Variants in GNG2 observed in about 807,000 individuals in gnomAD.
GNG2 encodes the protein guanine nucleotide-binding protein G(I)/G(S)/G(O) subunit gamma-2.
In GNG2, 5 loss-of-function variants were observed where a neutral mutation model predicts 5.5. The ratio of observed to expected loss-of-function variants is 0.91; its 90% CI spans 0.48 to 1.92. GNG2 has a LOEUF of 1.92. GNG2 is among the 30% of genes most tolerant of loss of function. The probability of loss-of-function intolerance (pLI) is 0.01; values close to 1 mark genes in which losing one functional copy is unlikely to be tolerated. For missense variants in GNG2, 55 were observed against 88.4 expected (o/e 0.62, Z 1.52); for synonymous variants, 28 against 32.0 (o/e 0.88, Z 0.42).
At chr14:51,903,959 G>A (rs1208604314) in intron 2 of GNG2, among the ~76,000 whole-genome samples, 2 of 152,228 alleles carry the variant, frequency 1.3e-5, no homozygotes, top group Admixed American at 1.3e-4. Flanking sequence ...TATAAAAGCA[G>A]TAGTCAGCAG....
intron 2 of GNG2, among the ~76,000 whole-genome samples, chr14:51,945,574 T>C (rs1326221882): frequency 6.6e-6 from 1 of 152,174 alleles, no homozygotes; most frequent in African/African-American, 2.4e-5. Flanking sequence ...GTTTCAGTTT[T>C]GCAAGGTAAA....
At chr14:51,873,874 T>C (rs1452115546) in intron 1 of GNG2, 1 of 152,270 alleles carries the variant, frequency 6.6e-6, no homozygotes, top group Non-Finnish European at 1.5e-5. Context: ...CTCTGTTTTA[T>C]GGACTAGGTA....
At position 51,969,231 on chromosome 14, in the gene GNG2, G is replaced by C. The variant is rs1890091216; in HGVS notation, c.*2544G>C. On this transcript the variant is annotated 3_prime_UTR_variant, in exon 4 of 4. Coordinates refer to ENST00000556766, the MANE Select transcript of GNG2 (RefSeq NM_053064.5). Reference sequence around the variant, plus strand: ...TCGATAGAAATGAAAATCTGCCGTGGAATTAACTAATAAGTAGTAACAATA... The same window carrying C: ...TCGATAGAAATGAAAATCTGCCGTGCAATTAACTAATAAGTAGTAACAATA... 1 of 152,070 alleles carries C rather than the reference G, an allele frequency of 6.6e-6. No homozygotes were observed. Among genetic ancestry groups the C allele is most frequent in the African/African-American group, 2.4e-5 (1 of 41,400 alleles). 9.4% of individuals were successfully genotyped at this position (152,070 alleles called of 1,614,324 possible).
intron 2 of GNG2, chr14:51,916,049 A>G (rs1021930209): frequency 7.2e-5 from 11 of 152,920 alleles, no homozygotes; most frequent in African/African-American, 2.6e-4. Flanking sequence ...TGAGAACAGG[A>G]GCCTATTCCT....
chr14:51,935,857 G>T (rs77771300), intron 2 of GNG2, among the ~76,000 whole-genome samples: 3,931 of 152,096 alleles, frequency 0.026, 139 homozygotes, highest in East Asian at 0.13. Context: ...GAGAGAGAGC[G>T]ATGTTTTCTG....
In GNG2 at chr14:51,886,065, A is replaced by C. The variant is rs577715039; in HGVS notation, c.-30+8408A>C. Among the ~76,000 whole-genome samples, 7 of 152,364 alleles carry C rather than the reference A, an allele frequency of 4.6e-5. No homozygotes were observed. The East Asian group carries it at 1.2e-3, about 25-fold the overall frequency. ...TTAGGCAGTTTTTATTGTAGCAAGC[A>C]TCTCTTTCTTTATATTTTATAATTA... On this transcript the variant is annotated intron_variant, in intron 2 of 3. Transcript: ENST00000556766.
chr14:51,942,452 C>T (rs1292031974), intron 2 of GNG2, among the ~76,000 whole-genome samples: 2 of 152,054 alleles, frequency 1.3e-5, no homozygotes, highest in African/African-American at 4.8e-5. Context: ...TTTCCAAAAG[C>T]CTCATAAGAG....
chr14:51,877,885 A>C, intron 2 of GNG2: 1 of 275,818 alleles, frequency 3.6e-6, no homozygotes, highest in East Asian at 1.0e-4. Context: ...TTTTCTTCTA[A>C]AAACCTGAGT....
chr14:51,858,368 G>A (rs1021557387), upstream of GNG2, among the ~76,000 whole-genome samples: 3 of 152,168 alleles, frequency 2.0e-5, no homozygotes, highest in East Asian at 1.9e-4. Context: ...CAACACTGGC[G>A]ATTAACCTAC....
chr14:51,937,866 C>T (rs543610617), intron 2 of GNG2, among the ~76,000 whole-genome samples: 51 of 152,242 alleles, frequency 3.3e-4, no homozygotes, highest in African/African-American at 1.2e-3. Context: ...TGAGTCTTTC[C>T]ATATAAGATA....
At chr14:51,949,455 C>G (rs1436095630) in intron 2 of GNG2, among the ~76,000 whole-genome samples, 1 of 152,024 alleles carries the variant, frequency 6.6e-6, no homozygotes, top group Admixed American at 6.6e-5. Context: ...TCTGTGTGTT[C>G]TTTTTCTTTT....
intron 2 of GNG2, among the ~76,000 whole-genome samples, chr14:51,855,172 C>T (rs1261366167): frequency 6.6e-6 from 1 of 152,204 alleles, no homozygotes; most frequent in African/African-American, 2.4e-5. Flanking sequence ...TGGGGGGCTT[C>T]GCACTACTGG....
At chr14:51,937,781 T>C (rs1396572356) in intron 2 of GNG2, among the ~76,000 whole-genome samples, 1 of 152,206 alleles carries the variant, frequency 6.6e-6, no homozygotes, top group Non-Finnish European at 1.5e-5. Context: ...TAATATTTTT[T>C]AAAAGTGAAT....
At chr14:51,917,919 G>A (rs1271630574) in intron 2 of GNG2, among the ~76,000 whole-genome samples, 2 of 151,858 alleles carry the variant, frequency 1.3e-5, no homozygotes, top group East Asian at 1.9e-4. Flanking sequence ...CCAGCTACTC[G>A]GGAGGCTGAG....
At chr14:51,937,591 G>A (rs954086465) in intron 2 of GNG2, among the ~76,000 whole-genome samples, 1 of 150,772 alleles carries the variant, frequency 6.6e-6, no homozygotes, top group Non-Finnish European at 1.5e-5. Context: ...TTCCGAAAAT[G>A]GCTATGTATT....
chr14:51,859,061 T>C (rs982348183), upstream of GNG2, among the ~76,000 whole-genome samples: 1 of 152,212 alleles, frequency 6.6e-6, no homozygotes, highest in Admixed American at 6.5e-5. Context: ...TGGAGAGTTA[T>C]TCTCCATCAG....
At chr14:51,899,363 A>G (rs1337412616) in intron 2 of GNG2, among the ~76,000 whole-genome samples, 4 of 152,198 alleles carry the variant, frequency 2.6e-5, no homozygotes, top group African/African-American at 9.6e-5. Context: ...AACTGAAGTA[A>G]TAATAGTTCC....
chr14:51,901,146 C>A (rs954881773), intron 2 of GNG2, among the ~76,000 whole-genome samples: 1 of 152,216 alleles, frequency 6.6e-6, no homozygotes, highest in Admixed American at 6.5e-5. Context: ...TGTTAACATA[C>A]TGAAATGTTT....
intron 2 of GNG2, among the ~76,000 whole-genome samples, chr14:51,843,458 C>T (rs559123998): frequency 1.3e-5 from 2 of 152,218 alleles, no homozygotes; most frequent in Non-Finnish European, 2.9e-5. Flanking sequence ...TTAGGACAAA[C>T]ACTTGATGCA....
Sources: gnomAD v4.1 joint callset for allele counts (sites outside exome capture counted in the v4.1 genomes callset) on GRCh38, gnomAD v4.1.1 for gene constraint, MANE v1.5 for transcripts, NCBI Gene and HGNC (gene_info 2026-07-23, HGNC 2026-07-21) for gene names.